Variants in RAPGEF1 observed in about 807,000 individuals in gnomAD.
The protein encoded by RAPGEF1 is CRK SH3-binding GNRP.
RAPGEF1 carries 33 observed loss-of-function variants against 143.3 expected under a neutral mutation model. That is an observed-to-expected ratio of 0.23 (90% CI 0.17 to 0.31). RAPGEF1 has a LOEUF of 0.31. RAPGEF1 is among the 10% of genes least tolerant of loss of function. The probability of loss-of-function intolerance (pLI) is 1.00; values close to 1 mark genes in which losing one functional copy is unlikely to be tolerated. For synonymous variants in RAPGEF1, 629 were observed against 676.5 expected, an observed-to-expected ratio of 0.93 and a Z score of 1.09; for missense variants, 1,199 against 1,645.4, an observed-to-expected ratio of 0.73 and a Z score of 4.69.
chr9:131,737,323 A>G, intron 1 of RAPGEF1: 3 of 1,605,446 alleles, frequency 1.9e-6, no homozygotes, highest in South Asian at 1.1e-5. Flanking sequence ...TATATATCTC[A>G]GCCCTCTCTT....
intron 1 of RAPGEF1, among the ~76,000 whole-genome samples, chr9:131,708,062 A>G (rs976334941): frequency 6.6e-6 from 1 of 152,212 alleles, no homozygotes; most frequent in African/African-American, 2.4e-5. Flanking sequence ...AGACAAAAGA[A>G]TGACTCACAG....
intron 1 of RAPGEF1, among the ~76,000 whole-genome samples, chr9:131,739,518 C>T (rs1203771258): frequency 1.3e-5 from 2 of 151,496 alleles, no homozygotes; most frequent in Admixed American, 6.6e-5. Flanking sequence ...GCTAGCGCGC[C>T]CGGCCCCGGG....
Position 131,638,657 on chromosome 9 carries a change from T to C in RAPGEF1, c.629A>G (p.Lys210Arg), listed in dbSNP as rs745762812. 29 of 1,614,046 alleles carry C rather than the reference T, an allele frequency of 1.8e-5. No individual in the cohort carries two copies. The highest frequency in any genetic ancestry group is 2.1e-5 in the Non-Finnish European group (25 of 1,179,896). The change falls in exon 5 of 27, where the codon AAG (lysine) becomes AGG (arginine). Residue 210 changes from lysine (K) to arginine (R), a missense_variant. Transcript: ENST00000683357. ...TACCTTCACTCCATCCAGCACAGCCTTGATGACCCCCTTCACAGTCGTCAC... is the reference window on the plus strand; with the variant it reads ...TACCTTCACTCCATCCAGCACAGCCCTGATGACCCCCTTCACAGTCGTCAC... ...EMVTTVKGVI[K>R]AVLDGVKELV...
In RAPGEF1 at chr9:131,630,253, A is replaced by G; in HGVS notation, c.723T>C (p.Pro241=). ...SPTSPVKPSS[P]ASKPDGPAEL... is the part of the protein sequence containing the mutation. ...GCACCTACCCATCAGGCTTGCTGGC[A>G]GGGGAACTGGGCTTCACGGGGCTCG... The change falls in exon 6 of 27, where the codon CCT becomes CCC. Residue 241 remains proline (P), a synonymous_variant. Transcript: ENST00000683357. 6.2e-7 allele frequency: 1 copy of G among 1,613,410 alleles called. No homozygotes were observed. The highest frequency in any genetic ancestry group is 8.5e-7 in the Non-Finnish European group (1 of 1,179,654).
chr9:131,586,459 CA>C (rs1952862856), intron 22 of RAPGEF1, among the ~76,000 whole-genome samples: 1 of 106,130 alleles, frequency 9.4e-6, no homozygotes, highest in Non-Finnish European at 1.9e-5. Flanking sequence ...CACACACACA[CA>C]CACCTGCAGA....
chr9:131,700,756 ATT>A (rs2131113383), intron 1 of RAPGEF1, among the ~76,000 whole-genome samples: 1 of 152,264 alleles, frequency 6.6e-6, no homozygotes, highest in African/African-American at 2.4e-5. Context: ...GGAGGTCTCC[ATT>A]TGCATAGATG....
rs1484906151 is a variant in RAPGEF1 at position 131,587,949 on chromosome 9, T to A, written c.3131A>T (p.Lys1044Ile). ...LTLLDAELFYKIEIPEVLLWA... is the reference protein window; with the variant it reads ...LTLLDAELFYIIEIPEVLLWA... ...GGCAGGAGCAGCCTGTACCTCTATT[T>A]TATAGAAGAGCTCAGCATCCAGCAG... Residue 1044 changes from lysine (K) to isoleucine (I), a missense_variant, in exon 21 of 27, where the codon AAA (lysine) becomes ATA (isoleucine). By Grantham distance (102) the Lys-to-Ile change is moderately radical (BLOSUM62 -3). Transcript: ENST00000683357. 6.2e-7 allele frequency: 1 copy of A among 1,611,224 alleles called. No individual in the cohort carries two copies. The highest frequency in any genetic ancestry group is 1.3e-5 in the African/African-American group (1 of 74,904).
intron 1 of RAPGEF1, among the ~76,000 whole-genome samples, chr9:131,679,832 T>C (rs1344683597): frequency 1.3e-5 from 2 of 152,198 alleles, no homozygotes; most frequent in East Asian, 1.9e-4. Context: ...TTCAGCTCCC[T>C]GCCACAGGGG....
intron 1 of RAPGEF1, among the ~76,000 whole-genome samples, chr9:131,671,346 G>A (rs1384344982): frequency 6.6e-6 from 1 of 152,262 alleles, no homozygotes; most frequent in East Asian, 1.9e-4. Flanking sequence ...ACACGGTGGA[G>A]AGGCAAAGCA....
chr9:131,652,501 A>T (rs1971321400), intron 1 of RAPGEF1, among the ~76,000 whole-genome samples: 1 of 152,050 alleles, frequency 6.6e-6, no homozygotes. Flanking sequence ...CTTATTCTTT[A>T]AGCTTTTTTC....
chr9:131,606,973 G>A (rs1957216250), intron 12 of RAPGEF1, among the ~76,000 whole-genome samples: 1 of 152,116 alleles, frequency 6.6e-6, no homozygotes, highest in Admixed American at 6.5e-5. Context: ...AAGAGCTACC[G>A]TAACTCGAGG....
chr9:131,596,913 C>A (rs555392249), intron 16 of RAPGEF1, among the ~76,000 whole-genome samples: 1 of 152,304 alleles, frequency 6.6e-6, no homozygotes, highest in African/African-American at 2.4e-5. Flanking sequence ...TCTGTGGGGC[C>A]CTTCCTTAAA....
chr9:131,598,614 GCA>G, intron 15 of RAPGEF1: 2 of 510,674 alleles, frequency 3.9e-6, no homozygotes, highest in Non-Finnish European at 7.6e-6. Flanking sequence ...AAGGCCCACC[GCA>G]CAGTTAGCAT....
At chr9:131,580,518 A>C (rs1006328165) in intron 25 of RAPGEF1, 127 bp from the exon 26 acceptor site, 6 of 1,142,756 alleles carry the variant, frequency 5.3e-6, no homozygotes, top group Non-Finnish European at 7.4e-6. Flanking sequence ...CCAAAGAGCC[A>C]GTCTGAGGTG....
At chr9:131,597,172 C>T (rs1955445183) in intron 16 of RAPGEF1, among the ~76,000 whole-genome samples, 1 of 152,240 alleles carries the variant, frequency 6.6e-6, no homozygotes, top group African/African-American at 2.4e-5. Context: ...AACCAGCCCT[C>T]TCAGCTGCGG....
At chr9:131,686,466 T>G (rs1254048824) in intron 1 of RAPGEF1, among the ~76,000 whole-genome samples, 1 of 152,192 alleles carries the variant, frequency 6.6e-6, no homozygotes, top group Non-Finnish European at 1.5e-5. Flanking sequence ...CCCACCTGTA[T>G]GGAATGCAGC....
In RAPGEF1 at chr9:131,630,474, C is replaced by A. The variant is rs535746199; in HGVS notation, c.652-150G>T. ...GCACCATAAACGCAAGTATCACTTGCCTTAGGTAATCTGCATGACTTCCCA... is the reference window on the plus strand; with the variant it reads ...GCACCATAAACGCAAGTATCACTTGACTTAGGTAATCTGCATGACTTCCCA... On this transcript the variant is annotated intron_variant, in intron 5 of 26. Transcript: ENST00000683357. 7.0e-6 allele frequency: 5 copies of A among 714,710 alleles called. No individual in the cohort carries two copies. The South Asian group carries it at 8.8e-5, about 13-fold the overall frequency. 44.3% of individuals were successfully genotyped at this position (714,710 alleles called of 1,614,324 possible). A position where few individuals can be genotyped will look rare whatever the true frequency, so the allele number is the denominator to read the frequency against.
chr9:131,594,543 G>A (rs1954910529), intron 17 of RAPGEF1, among the ~76,000 whole-genome samples: 1 of 152,234 alleles, frequency 6.6e-6, no homozygotes, highest in East Asian at 1.9e-4. Flanking sequence ...GGGGCTCCCA[G>A]CTGCTCGTGA....
chr9:131,731,856 G>C (rs1837095797), intron 1 of RAPGEF1, among the ~76,000 whole-genome samples: 1 of 152,200 alleles, frequency 6.6e-6, no homozygotes, highest in South Asian at 2.1e-4. Context: ...GGGACTGTGG[G>C]GACAGAAGTC....
Sources: gnomAD v4.1 joint callset for allele counts (sites outside exome capture counted in the v4.1 genomes callset) on GRCh38, gnomAD v4.1.1 for gene constraint, MANE v1.5 for transcripts, NCBI Gene and HGNC (gene_info 2026-07-23, HGNC 2026-07-21) for gene names.